Variants in DOCK4 observed in about 807,000 individuals in gnomAD.
The protein encoded by DOCK4 is dedicator of cytokinesis 4, also known as dedicator of cytokinesis protein 4.
DOCK4 carries 97 observed loss-of-function variants against 268.1 expected under a neutral mutation model. The observed-to-expected ratio is 0.36, with a 90% CI of 0.31 to 0.43. The LOEUF (loss-of-function observed/expected upper bound fraction) is 0.43, where lower values mean the gene tolerates loss of function less well. Among genes scored for constraint, DOCK4 ranks in the 20% least tolerant of loss-of-function variants. The pLI is 1.00. For synonymous variants in DOCK4, 954 were observed against 887.2 expected, an observed-to-expected ratio of 1.08 and a Z score of -1.34; for missense variants, 2,145 against 2,455.7, an observed-to-expected ratio of 0.87 and a Z score of 2.67.
At chr7:111,836,569 G>A (rs112902421) in intron 25 of DOCK4, among the ~76,000 whole-genome samples, 1,573 of 152,138 alleles carry the variant, frequency 0.01, 31 homozygotes, top group African/African-American at 0.036. Context: ...ATCCAGAAAT[G>A]ACATAGATAA....
intron 1 of DOCK4, among the ~76,000 whole-genome samples, chr7:112,022,853 G>C (rs941447477): frequency 1.5e-4 from 23 of 152,148 alleles, no homozygotes; most frequent in Middle Eastern, 3.2e-3. Context: ...TCCTGCTAAG[G>C]AAGTGAAAGG....
At chr7:111,783,109 T>TAC (rs985619535) in intron 34 of DOCK4, among the ~76,000 whole-genome samples, 185 bp from the exon 35 acceptor site, 9 of 152,134 alleles carry the variant, frequency 5.9e-5, no homozygotes, top group African/African-American at 2.2e-4. Context: ...CAAGGACTGA[T>TAC]AATCTAATCT....
rs1043885008 is a variant in DOCK4, at chr7:111,863,482, T to C, written c.2363A>G (p.Gln788Arg). Residue 788 changes from glutamine to arginine, a missense_variant, in exon 23 of 53, where the codon CAG becomes CGG. Gln to Arg is a conservative substitution (Grantham distance 43). Coordinates refer to ENST00000428084, the MANE Select transcript of DOCK4 (RefSeq NM_001363540.2). ...GGTCGGCAGACTGCCCAGGGTGTCC[T>C]GGACCAAGTTGGCTACTTCCCGGAC... ...FDVREVANLV[Q>R]DTLGSLPTIL... 6.2e-7 allele frequency: 1 copy of C among 1,614,000 alleles called. No individual in the cohort carries two copies. The highest frequency in any genetic ancestry group is 8.5e-7 in the Non-Finnish European group (1 of 1,179,886).
At chr7:112,186,043 G>A (rs1177905317) in intron 1 of DOCK4, among the ~76,000 whole-genome samples, 1 of 152,184 alleles carries the variant, frequency 6.6e-6, no homozygotes. Context: ...AAGAGTGCTG[G>A]GCTAGGCCAG....
chr7:111,908,184 C>T (rs905763973), intron 13 of DOCK4, among the ~76,000 whole-genome samples: 1 of 152,088 alleles, frequency 6.6e-6, no homozygotes, highest in Non-Finnish European at 1.5e-5. Context: ...TGTGGTGGCT[C>T]ACACCTGTAA....
intron 8 of DOCK4, among the ~76,000 whole-genome samples, chr7:111,956,183 C>A (rs937494365): frequency 5.3e-5 from 8 of 152,088 alleles, no homozygotes; most frequent in Non-Finnish European, 8.8e-5. Context: ...GATCTATATT[C>A]AGAAATTATT....
At chr7:111,729,210 G>T (rs1441200872) in intron 52 of DOCK4, among the ~76,000 whole-genome samples, 1 of 152,166 alleles carries the variant, frequency 6.6e-6, no homozygotes, top group Non-Finnish European at 1.5e-5. Context: ...ATCTGCGAGG[G>T]CCACCAGTCC....
At chr7:112,187,417 C>T (rs1163602488) in intron 1 of DOCK4, among the ~76,000 whole-genome samples, 1 of 152,176 alleles carries the variant, frequency 6.6e-6, no homozygotes, top group Non-Finnish European at 1.5e-5. Context: ...ATTTCCTTCT[C>T]TTATGATGTT....
rs1341285286 is a variant in DOCK4, at chr7:111,878,920, A to T, written c.1588-1734T>A. The stretch of plus-strand genomic sequence containing the variant: ...AGACAAGGACAGTAATTCCTAGACA[A>T]CTCCTAGTGCTAGGCTGGGCTTAGA... On this transcript the variant is annotated intron_variant, in intron 16 of 52. Coordinates refer to ENST00000428084, the MANE Select transcript of DOCK4 (RefSeq NM_001363540.2). Among the ~76,000 whole-genome samples, 4 of 151,564 alleles carry T rather than the reference A, an allele frequency of 2.6e-5. No homozygotes were observed. In the East Asian group the frequency reaches 5.8e-4, roughly 22 times the overall value.
chr7:112,188,915 C>G (rs746809889), intron 1 of DOCK4, among the ~76,000 whole-genome samples: 1 of 152,146 alleles, frequency 6.6e-6, no homozygotes, highest in Non-Finnish European at 1.5e-5. Context: ...AGAACAATGA[C>G]GAGGGTTCCT....
chr7:111,901,907 C>G, intron 13 of DOCK4, 106 bp from the exon 14 acceptor site: 1 of 749,622 alleles, frequency 1.3e-6, no homozygotes, highest in Non-Finnish European at 2.1e-6. Context: ...GCTATACATA[C>G]ATATAAAAGT....
intron 1 of DOCK4, among the ~76,000 whole-genome samples, chr7:112,109,710 A>G (rs1195802814): frequency 6.6e-6 from 1 of 151,718 alleles, no homozygotes; most frequent in Non-Finnish European, 1.5e-5. Context: ...TTCTATATAT[A>G]GCACTATTTT....
At chr7:111,808,600 T>C (rs1016877447) in intron 30 of DOCK4, 15 of 466,356 alleles carry the variant, frequency 3.2e-5, no homozygotes, top group African/African-American at 2.7e-4. Flanking sequence ...TAATTAATAA[T>C]GAAACACACA....
chr7:111,974,502 G>A (rs1365017475), intron 8 of DOCK4, among the ~76,000 whole-genome samples: 3 of 102,216 alleles, frequency 2.9e-5, no homozygotes, highest in South Asian at 5.9e-4. Flanking sequence ...ATGTGTGTGT[G>A]TGTGTGTGTG....
At chr7:111,946,121 T>C (rs1251410208) in intron 8 of DOCK4, among the ~76,000 whole-genome samples, 2 of 152,216 alleles carry the variant, frequency 1.3e-5, no homozygotes, top group Non-Finnish European at 2.9e-5. Context: ...GAGAAAAATA[T>C]GACATAACAT....
At chr7:111,857,848 A>G (rs1805137715) in intron 23 of DOCK4, among the ~76,000 whole-genome samples, 1 of 152,172 alleles carries the variant, frequency 6.6e-6, no homozygotes, top group South Asian at 2.1e-4. Flanking sequence ...CTTCTCCAAA[A>G]CCATTTAGAC....
chr7:112,096,514 C>T (rs947732680), intron 1 of DOCK4, among the ~76,000 whole-genome samples: 8 of 152,072 alleles, frequency 5.3e-5, no homozygotes, highest in African/African-American at 1.9e-4. Context: ...CATTATGTAA[C>T]ATGTACTAAT....
chr7:111,808,758 T>G, intron 30 of DOCK4, 63 bp downstream of exon 30: 1 of 1,545,664 alleles, frequency 6.5e-7, no homozygotes, highest in Non-Finnish European at 8.8e-7. Flanking sequence ...TTTCTTCATT[T>G]GTACACTTCA....
chr7:111,801,054 G>C (rs1800241360), intron 30 of DOCK4, among the ~76,000 whole-genome samples: 1 of 152,186 alleles, frequency 6.6e-6, no homozygotes, highest in African/African-American at 2.4e-5. Flanking sequence ...GCAAATGCCA[G>C]TGATTAAAAA....
Sources: gnomAD v4.1 joint callset for allele counts (sites outside exome capture counted in the v4.1 genomes callset) on GRCh38, gnomAD v4.1.1 for gene constraint, MANE v1.5 for transcripts, NCBI Gene and HGNC (gene_info 2026-07-23, HGNC 2026-07-21) for gene names.